The following FBXO31 variants were observed in gnomAD, a reference collection of about 807,000 sequenced individuals.
FBXO31 encodes F-box only protein 31.
In FBXO31, 24 loss-of-function variants were observed where a neutral mutation model predicts 54.4. The observed-to-expected ratio is 0.44, with a 90% CI of 0.32 to 0.62. The LOEUF is 0.62. Ranked by LOEUF, FBXO31 falls within the 20% of genes least tolerant of loss-of-function variation. The probability of loss-of-function intolerance (pLI) is 0.05; values close to 1 mark genes in which losing one functional copy is unlikely to be tolerated. For missense variants in FBXO31, 665 were observed against 787.1 expected (o/e 0.84, Z 1.86); for synonymous variants, 388 against 335.6 (o/e 1.16, Z -1.71).
intron 3 of FBXO31, among the ~76,000 whole-genome samples, chr16:87,344,873 C>T (rs1161097786): frequency 6.6e-6 from 1 of 151,838 alleles, no homozygotes. Flanking sequence ...AAACCCATCC[C>T]TGCCCCAAAC....
intron 5 of FBXO31, among the ~76,000 whole-genome samples, chr16:87,339,151 C>G (rs749357245): frequency 6.6e-6 from 1 of 152,206 alleles, no homozygotes; most frequent in Non-Finnish European, 1.5e-5. Context: ...TGAAAATGGA[C>G]TAATACAGTG....
intron 5 of FBXO31, among the ~76,000 whole-genome samples, chr16:87,337,207 AC>A (rs1447651007): frequency 6.6e-6 from 1 of 152,248 alleles, no homozygotes; most frequent in African/African-American, 2.4e-5. Flanking sequence ...CCTCAAAAAA[AC>A]ATAAGACTTG....
upstream of FBXO31, among the ~76,000 whole-genome samples, chr16:87,390,431 G>T (rs1480097310): frequency 6.6e-6 from 1 of 151,916 alleles, no homozygotes; most frequent in African/African-American, 2.4e-5. Flanking sequence ...AGCACTTTGA[G>T]AAATATATTT....
intron 1 of FBXO31, among the ~76,000 whole-genome samples, chr16:87,364,442 G>C (rs866822700): frequency 3.9e-5 from 6 of 152,358 alleles, no homozygotes; most frequent in Middle Eastern, 3.4e-3. Flanking sequence ...GACGCAGCCA[G>C]ACCTGGGCCA....
chr16:87,385,284 C>G (rs1428728326), upstream of FBXO31, among the ~76,000 whole-genome samples: 1 of 152,092 alleles, frequency 6.6e-6, no homozygotes, highest in East Asian at 1.9e-4. Flanking sequence ...CGGTGAAACC[C>G]CGTCTCTACT....
At chr16:87,349,510 G>C (rs892305704) in intron 2 of FBXO31, among the ~76,000 whole-genome samples, 7 of 152,128 alleles carry the variant, frequency 4.6e-5, no homozygotes, top group Non-Finnish European at 8.8e-5. Flanking sequence ...AGGAGTTCGA[G>C]ACCAGCCTGG....
Position 87,345,991 on chromosome 16 carries a change from G to T in FBXO31, c.489+1183C>A, listed in dbSNP as rs980061811. Among the ~76,000 whole-genome samples, 3 of 152,262 alleles carry T rather than the reference G, an allele frequency of 2.0e-5. No homozygotes were observed. The highest frequency in any genetic ancestry group is 4.4e-5 in the Non-Finnish European group (3 of 68,046). ...GCACCTGCGGAATCCTGAGTGAGGG[G>T]TGGGAGGTGGAGGAGGGAAGCAGAG... On this transcript the variant is annotated intron_variant, in intron 3 of 8. Transcript: ENST00000311635. This position sits in a 1 kb window ranked among gnomAD's most constrained non-coding sequence, Gnocchi z 4.9.
In FBXO31 at chr16:87,333,984, C is replaced by A. The variant is rs112899975; in HGVS notation, c.1299G>T (p.Ala433=). 1 of 1,612,836 alleles carries A rather than the reference C, an allele frequency of 6.2e-7. No homozygotes were observed. Among genetic ancestry groups the A allele is most frequent in the Non-Finnish European group, 8.5e-7 (1 of 1,179,844 alleles). ...GCCCACACTGGGCAGGCTGCTCGGC[C>A]GCAGCTACGGCATCCCCAGGCTCGC... ...DGGEPGDAVA[A]AEQPAQCGQG... is the part of the protein sequence containing the mutation. The change falls in exon 8 of 9, where the codon GCG becomes GCT. Residue 433 remains alanine, a synonymous_variant. Coordinates refer to ENST00000311635, the MANE Select transcript of FBXO31 (RefSeq NM_024735.5).
intron 2 of FBXO31, among the ~76,000 whole-genome samples, chr16:87,354,841 G>A (rs186537425): frequency 2.6e-5 from 4 of 152,206 alleles, no homozygotes; most frequent in Admixed American, 2.0e-4. Context: ...GGTGGCATAT[G>A]CCTGTAATCC....
intron 2 of FBXO31, among the ~76,000 whole-genome samples, chr16:87,347,940 C>G (rs1279492121): frequency 6.6e-6 from 1 of 152,348 alleles, no homozygotes; most frequent in East Asian, 1.9e-4. Flanking sequence ...ATGACAATGT[C>G]ACACTCGCTG....
intron 4 of FBXO31, 140 bp from the exon 5 acceptor site, chr16:87,343,091 C>G (rs1268949279): frequency 4.6e-6 from 3 of 656,062 alleles, no homozygotes; most frequent in African/African-American, 1.8e-5. Flanking sequence ...ATGCGACCAA[C>G]GCGGTGCCAG....
chr16:87,376,882 T>C (rs201432229), intron 1 of FBXO31, among the ~76,000 whole-genome samples: 1 of 152,182 alleles, frequency 6.6e-6, no homozygotes, highest in African/African-American at 2.4e-5. Flanking sequence ...AAAGATGAAG[T>C]TTCAGGGCTC....
rs367879906 is a variant in FBXO31 at position 87,347,152 on chromosome 16, G to A, written c.489+22C>T. 7.4e-5 allele frequency: 120 copies of A among 1,610,930 alleles called. 1 individual carries two copies. The African/African-American group carries it at 1.2e-3, about 16-fold the overall frequency. On this transcript the variant is annotated intron_variant, in intron 3 of 8. Coordinates refer to ENST00000311635, the MANE Select transcript of FBXO31 (RefSeq NM_024735.5). ...CCACTCCTGCCCGTGCACAGACCTC[G>A]TCGCGAGGCTCCGGGACTTACCACC...
chr16:87,349,858 A>C (rs1905569691), intron 2 of FBXO31, among the ~76,000 whole-genome samples: 1 of 151,092 alleles, frequency 6.6e-6, no homozygotes, highest in African/African-American at 2.4e-5. Flanking sequence ...GTAGTGAGCT[A>C]TGATCGTGCC....
chr16:87,351,419 G>C (rs1479109315), intron 2 of FBXO31, among the ~76,000 whole-genome samples: 1 of 152,080 alleles, frequency 6.6e-6, no homozygotes, highest in African/African-American at 2.4e-5. Context: ...CGGGGGAAAG[G>C]AGCCAGGAAC....
chr16:87,344,381 G>A (rs1394200553), intron 3 of FBXO31, among the ~76,000 whole-genome samples: 1 of 152,242 alleles, frequency 6.6e-6, no homozygotes, highest in Non-Finnish European at 1.5e-5. Flanking sequence ...GATCTCGCGT[G>A]TCCGGGCGCC....
intron 1 of FBXO31, chr16:87,367,588 G>A (rs1906422942): frequency 6.6e-6 from 1 of 152,212 alleles, no homozygotes; most frequent in South Asian, 2.1e-4. Context: ...AATGAGACTG[G>A]AGCTTCAGTT....
intron 1 of FBXO31, among the ~76,000 whole-genome samples, chr16:87,381,898 T>A (rs1907095479): frequency 6.6e-6 from 1 of 151,948 alleles, no homozygotes; most frequent in Non-Finnish European, 1.5e-5. Context: ...GTGGCACGCA[T>A]CTGTAGTCCC....
intron 1 of FBXO31, among the ~76,000 whole-genome samples, chr16:87,375,183 G>A (rs60324077): frequency 0.014 from 2,063 of 152,318 alleles, 49 homozygotes; most frequent in African/African-American, 0.047. Context: ...GCGGGCGCCT[G>A]TAGTCCCACC....
Sources: allele counts gnomAD v4.1 joint callset (sites outside exome capture counted in the v4.1 genomes callset), GRCh38; gene constraint gnomAD v4.1.1; non-coding constraint Gnocchi (gnomAD v3.1); transcripts MANE v1.5; gene names NCBI Gene and HGNC (gene_info 2026-07-23, HGNC 2026-07-21).